Variants in WIPF2 observed in about 807,000 individuals in gnomAD.
WIPF2 encodes the protein WAS/WASL interacting protein family member 2, also known as WAS/WASL-interacting protein family member 2.
Under a neutral mutation model 38.8 loss-of-function variants are expected in WIPF2, and 23 were observed. That is an observed-to-expected ratio of 0.59 (90% CI 0.43 to 0.84). The LOEUF (loss-of-function observed/expected upper bound fraction) is 0.84, where lower values mean the gene tolerates loss of function less well. Among genes scored for constraint, WIPF2 ranks in the 40% least tolerant of loss-of-function variants. The pLI, the probability that WIPF2 is intolerant of heterozygous loss-of-function variation, is 0.00. For missense variants in WIPF2, 574 were observed against 580.5 expected, an observed-to-expected ratio of 0.99 and a Z score of 0.11; for synonymous variants, 210 against 223.2, an observed-to-expected ratio of 0.94 and a Z score of 0.53.
chr17:40,252,514 A>G lies in WIPF2; in HGVS notation c.-69-3877A>G, dbSNP rs201582284. Among the ~76,000 whole-genome samples the G allele has an allele frequency of 1.2e-4, 19 of 152,046 alleles. No homozygotes were observed. In the East Asian group the frequency reaches 2.2e-3, roughly 17 times the overall value. On this transcript the variant is annotated intron_variant, in intron 1 of 7. Transcript: ENST00000323571. Reference sequence around the variant, plus strand: ...CCCCGTCTCTACTAAAAATACAGAAATTAGCTGGGTGTGGTGGCATGCGCC... The same window carrying G: ...CCCCGTCTCTACTAAAAATACAGAAGTTAGCTGGGTGTGGTGGCATGCGCC...
chr17:40,250,884 A>ATGG (rs1387936531), intron 1 of WIPF2, among the ~76,000 whole-genome samples: 1 of 141,214 alleles, frequency 7.1e-6, no homozygotes, highest in African/African-American at 2.6e-5. Flanking sequence ...GTGAGCTATG[A>ATGG]TGGTGCCAGT....
chr17:40,274,086 G>A, intron 6 of WIPF2, 87 bp downstream of exon 6: 7 of 1,141,180 alleles, frequency 6.1e-6, no homozygotes, highest in Non-Finnish European at 8.6e-6. Flanking sequence ...CCACCATAGA[G>A]TGGGAATGGC....
chr17:40,258,650 G>T (rs1457259546), intron 2 of WIPF2, among the ~76,000 whole-genome samples: 1 of 152,000 alleles, frequency 6.6e-6, no homozygotes, highest in Non-Finnish European at 1.5e-5. Context: ...GGCAGTCAAT[G>T]AAGGCTTTTA....
At position 40,245,650 on chromosome 17, in the gene WIPF2, A is replaced by G. The variant is rs1035311240; in HGVS notation, c.-69-10741A>G. On this transcript the variant is annotated intron_variant, in intron 1 of 7. Coordinates refer to ENST00000323571, the MANE Select transcript of WIPF2 (RefSeq NM_133264.5). ...GAGCCACTGCACCTGTCCTGACCAGATAATTCTTTGTTGTGGGCGGCTGTC... is the reference window on the plus strand; with the variant it reads ...GAGCCACTGCACCTGTCCTGACCAGGTAATTCTTTGTTGTGGGCGGCTGTC... Among the ~76,000 whole-genome samples the G allele has an allele frequency of 2.0e-5, 3 of 152,132 alleles. 1 individual carries two copies. The highest frequency in any genetic ancestry group is 2.1e-4 in the South Asian group (1 of 4,814).
At position 40,237,502 on chromosome 17, in the gene WIPF2, A is replaced by G. The variant is rs369293203; in HGVS notation, c.-70+18010A>G. ...ATGATCCGCCTGTGTTGGCCTCCCA[A>G]AGTGCTTCGGATAACAGGTGTGAGC... On this transcript the variant is annotated intron_variant, in intron 1 of 7. Coordinates refer to ENST00000323571, the MANE Select transcript of WIPF2 (RefSeq NM_133264.5). 8.0e-4 allele frequency among the ~76,000 whole-genome samples: 121 copies of G among 151,948 alleles called. No individual in the cohort carries two copies. The South Asian group carries it at 0.011, about 14-fold the overall frequency.
intron 7 of WIPF2, among the ~76,000 whole-genome samples, 179 bp downstream of exon 7, chr17:40,277,363 A>T (rs961827425): frequency 2.0e-5 from 3 of 152,188 alleles, no homozygotes; most frequent in African/African-American, 7.2e-5. Context: ...CCTGACCAAC[A>T]TAATGAAACC....
chr17:40,223,697 T>G (rs923243314), intron 1 of WIPF2, among the ~76,000 whole-genome samples: 1 of 151,240 alleles, frequency 6.6e-6, no homozygotes, highest in Non-Finnish European at 1.5e-5. Flanking sequence ...CCTCCCAGGT[T>G]CAAGCGATTC....
At chr17:40,245,488 G>A (rs959999824) in intron 1 of WIPF2, among the ~76,000 whole-genome samples, 76 of 151,946 alleles carry the variant, frequency 5.0e-4, no homozygotes, top group African/African-American at 1.7e-3. Flanking sequence ...GATTACAGGC[G>A]CCCGCCACCA....
chr17:40,275,639 C>G (rs2032374059), intron 6 of WIPF2, among the ~76,000 whole-genome samples: 1 of 152,112 alleles, frequency 6.6e-6, no homozygotes, highest in South Asian at 2.1e-4. Flanking sequence ...TCACGGCTCA[C>G]CGCAGTCTCG....
At position 40,278,234 on chromosome 17, in the gene WIPF2, T is replaced by C; in HGVS notation, c.*9T>C. The C allele has an allele frequency of 6.2e-7, 1 of 1,613,718 alleles. No individual in the cohort carries two copies. Among genetic ancestry groups the C allele is most frequent in the Non-Finnish European group, 8.5e-7 (1 of 1,179,836 alleles). On this transcript the variant is annotated 3_prime_UTR_variant, in exon 8 of 8. Coordinates refer to ENST00000323571, the MANE Select transcript of WIPF2 (RefSeq NM_133264.5). ...CACCCATTCTCAGGTGAAGCCTGGC[T>C]TGGTCCCGTTCCTCAGGAAAAGGAT...
chr17:40,265,078 C>T lies in WIPF2; in HGVS notation c.902C>T (p.Ser301Leu), dbSNP rs779613280. The T allele has an allele frequency of 1.3e-5, 21 of 1,613,774 alleles. No individual in the cohort carries two copies. Among genetic ancestry groups the T allele is most frequent in the African/African-American group, 4.0e-5 (3 of 74,926 alleles). Residue 301 changes from serine to leucine, a missense_variant, in exon 5 of 8, where the codon TCG (serine) becomes TTG (leucine). Transcript: ENST00000323571. ...VRGLAPPPPT[S>L]ASPSLLSNRP... ...GGCCTAGCACCTCCTCCACCCACCT[C>T]GGCCTCCCCATCTTTACTGAGTAAT... is the stretch of plus-strand genomic sequence containing the variant.
In WIPF2 at chr17:40,278,116, A is replaced by C. The variant is rs2032462017; in HGVS notation, c.1283-69A>C. 5.2e-6 allele frequency: 8 copies of C among 1,528,022 alleles called. No homozygotes were observed. In the Admixed American group the frequency reaches 1.5e-4, roughly 29 times the overall value. 94.7% of individuals were successfully genotyped at this position (1,528,022 alleles called of 1,614,324 possible). A position where few individuals can be genotyped will look rare whatever the true frequency, so the allele number is the denominator to read the frequency against. Reference sequence around the variant, plus strand: ...TAAAGAGCCTGTCTCTCATTTTAGGAATGTGTGGGTTGTTCAGATTCTGGT... The same window carrying C: ...TAAAGAGCCTGTCTCTCATTTTAGGCATGTGTGGGTTGTTCAGATTCTGGT... On this transcript the variant is annotated intron_variant, in intron 7 of 7. Transcript: ENST00000323571.
chr17:40,237,245 T>TC (rs2031008715), intron 1 of WIPF2, among the ~76,000 whole-genome samples: 1 of 149,816 alleles, frequency 6.7e-6, no homozygotes, highest in African/African-American at 2.4e-5. Flanking sequence ...TTTTTCCTTT[T>TC]TTTTTTTTTT....
chr17:40,263,017 A>T (rs1484275272), intron 4 of WIPF2, among the ~76,000 whole-genome samples: 1 of 152,164 alleles, frequency 6.6e-6, no homozygotes, highest in Non-Finnish European at 1.5e-5. Context: ...TCACTCGTAG[A>T]AGTAGAGAGT....
rs1189102350 is a variant in WIPF2, at chr17:40,260,798, T to G, written c.196+131T>G. On this transcript the variant is annotated intron_variant, in intron 3 of 7. Coordinates refer to ENST00000323571, the MANE Select transcript of WIPF2 (RefSeq NM_133264.5). ...CCTGGGATGTGCTTTGGCTCTCTTCTTATTCATTCTTCTGAACCTTAGAAG... is the reference window on the plus strand; with the variant it reads ...CCTGGGATGTGCTTTGGCTCTCTTCGTATTCATTCTTCTGAACCTTAGAAG... The G allele has an allele frequency of 4.9e-6, 6 of 1,214,326 alleles. No individual in the cohort carries two copies. In the Admixed American group the frequency reaches 1.2e-4, roughly 24 times the overall value. The allele number at this position is 1,214,326 out of a possible 1,614,324, so 75.2% of individuals were successfully genotyped here. A position where few individuals can be genotyped will look rare whatever the true frequency, so the allele number is the denominator to read the frequency against.
intron 6 of WIPF2, among the ~76,000 whole-genome samples, chr17:40,274,988 G>T (rs553709027): frequency 6.8e-6 from 1 of 146,292 alleles, no homozygotes; most frequent in East Asian, 2.0e-4. Flanking sequence ...GCCTGTAATC[G>T]CAGTACTTTG....
chr17:40,277,284 C>T, intron 7 of WIPF2, 100 bp downstream of exon 7: 3 of 1,015,612 alleles, frequency 3.0e-6, no homozygotes, highest in South Asian at 1.6e-5. Flanking sequence ...CACAGTGGCT[C>T]ATACCTATAA....
intron 1 of WIPF2, among the ~76,000 whole-genome samples, chr17:40,235,478 C>G (rs1441815799): frequency 6.6e-6 from 1 of 151,708 alleles, no homozygotes; most frequent in Non-Finnish European, 1.5e-5. Flanking sequence ...TCCCTAAACT[C>G]TGACAGGTAT....
At chr17:40,236,916 A>G (rs894301122) in intron 1 of WIPF2, among the ~76,000 whole-genome samples, 6 of 151,822 alleles carry the variant, frequency 4.0e-5, no homozygotes, top group African/African-American at 1.5e-4. Context: ...TGCTATTTTG[A>G]CTCTAGATTC....
Sources: gnomAD v4.1 joint callset for allele counts (sites outside exome capture counted in the v4.1 genomes callset) on GRCh38, gnomAD v4.1.1 for gene constraint, MANE v1.5 for transcripts, NCBI Gene and HGNC (gene_info 2026-07-23, HGNC 2026-07-21) for gene names.